SNX29: variants seen among roughly 807,000 people sequenced by gnomAD.
The protein encoded by SNX29 is sorting nexin-29.
Under a neutral mutation model 102.1 loss-of-function variants are expected in SNX29, and 78 were observed. That is an observed-to-expected ratio of 0.76 (90% CI 0.64 to 0.92). SNX29 has a LOEUF of 0.92. Among genes scored for constraint, SNX29 ranks in the 40% least tolerant of loss-of-function variants. The probability of loss-of-function intolerance (pLI) is 0.00; values close to 1 mark genes in which losing one functional copy is unlikely to be tolerated. For missense variants in SNX29, 1,280 were observed against 1,061.7 expected, an observed-to-expected ratio of 1.21 and a Z score of -2.86; for synonymous variants, 580 against 414.5, an observed-to-expected ratio of 1.40 and a Z score of -4.85.
intron 19 of SNX29, among the ~76,000 whole-genome samples, chr16:12,496,745 A>G (rs1334335822): frequency 6.6e-6 from 1 of 151,980 alleles, no homozygotes; most frequent in Non-Finnish European, 1.5e-5. Context: ...TCCTAACCTC[A>G]AGTGATCCGC....
At chr16:12,228,888 G>A (rs1024867101) in intron 14 of SNX29, among the ~76,000 whole-genome samples, 19 of 152,316 alleles carry the variant, frequency 1.2e-4, no homozygotes, top group African/African-American at 4.1e-4. Flanking sequence ...CTGGTGATGC[G>A]GGGCAGGCTG....
At chr16:12,540,948 C>G (rs1011664497) in intron 20 of SNX29, among the ~76,000 whole-genome samples, 10 of 152,016 alleles carry the variant, frequency 6.6e-5, no homozygotes, top group East Asian at 1.9e-4. Context: ...TGGGGTCAGG[C>G]TGCCTGTAGT....
At chr16:12,318,369 A>G (rs116726925) in intron 15 of SNX29, among the ~76,000 whole-genome samples, 2,740 of 152,244 alleles carry the variant, frequency 0.018, 98 homozygotes, top group African/African-American at 0.062. Flanking sequence ...TTGCTGATGC[A>G]TCGTTTGCCG....
intron 11 of SNX29, among the ~76,000 whole-genome samples, chr16:12,121,423 T>G (rs2053966541): frequency 6.6e-6 from 1 of 152,250 alleles, no homozygotes; most frequent in Non-Finnish European, 1.5e-5. Context: ...CTTTATTCCC[T>G]GTGGCCATGC....
At chr16:12,389,704 TG>T (rs2083456785) in intron 16 of SNX29, among the ~76,000 whole-genome samples, 1 of 152,126 alleles carries the variant, frequency 6.6e-6, no homozygotes, top group African/African-American at 2.4e-5. Context: ...GTAGGGGTAA[TG>T]GGTCAAAGTA....
chr16:12,136,649 C>G (rs1477551210), intron 13 of SNX29, among the ~76,000 whole-genome samples: 1 of 152,222 alleles, frequency 6.6e-6, no homozygotes, highest in Non-Finnish European at 1.5e-5. Flanking sequence ...CAAAGATGGC[C>G]TCTGGTAGCA....
intron 16 of SNX29, among the ~76,000 whole-genome samples, chr16:12,363,574 C>G (rs1235256369): frequency 6.6e-6 from 1 of 152,210 alleles, no homozygotes; most frequent in Non-Finnish European, 1.5e-5. Context: ...GCCCTCATGT[C>G]CCATTTCCGA....
chr16:12,169,463 T>C (rs1249866949), intron 13 of SNX29, among the ~76,000 whole-genome samples: 1 of 152,192 alleles, frequency 6.6e-6, no homozygotes, highest in Non-Finnish European at 1.5e-5. Flanking sequence ...GGGCCTGGGC[T>C]GGGGATGGTC....
chr16:12,129,324 G>T (rs2054352989), intron 12 of SNX29, among the ~76,000 whole-genome samples: 1 of 152,180 alleles, frequency 6.6e-6, no homozygotes, highest in Admixed American at 6.5e-5. Context: ...TCTGTAAAGG[G>T]ACTTGGCTGG....
chr16:12,101,643 C>A (rs2053026290), intron 11 of SNX29, among the ~76,000 whole-genome samples: 1 of 152,118 alleles, frequency 6.6e-6, no homozygotes, highest in Non-Finnish European at 1.5e-5. Context: ...CTTGGCTTCC[C>A]AAAGTGCTGG....
At chr16:12,327,919 C>T (rs1049209553) in intron 15 of SNX29, among the ~76,000 whole-genome samples, 7 of 152,140 alleles carry the variant, frequency 4.6e-5, no homozygotes, top group African/African-American at 1.2e-4. Flanking sequence ...CTCATGGCAC[C>T]GTCCTGTGGA....
intron 13 of SNX29, among the ~76,000 whole-genome samples, chr16:12,170,070 G>T (rs1452627039): frequency 6.6e-6 from 1 of 152,146 alleles, no homozygotes; most frequent in Non-Finnish European, 1.5e-5. Context: ...AGTGGGGGCT[G>T]TCCTGTGCAC....
intron 18 of SNX29, among the ~76,000 whole-genome samples, chr16:12,425,327 T>C (rs1204628088): frequency 6.6e-6 from 1 of 151,408 alleles, no homozygotes; most frequent in Admixed American, 6.6e-5. Context: ...AAATTGAAAC[T>C]GTGGATAATC....
intron 14 of SNX29, among the ~76,000 whole-genome samples, chr16:12,219,466 C>T (rs941100834): frequency 4.6e-5 from 7 of 152,154 alleles, no homozygotes; most frequent in African/African-American, 9.7e-5. Flanking sequence ...TAGCAAACGC[C>T]ACTTGTGACT....
intron 1 of SNX29, among the ~76,000 whole-genome samples, chr16:11,979,684 A>G (rs1262250581): frequency 6.6e-6 from 1 of 152,152 alleles, no homozygotes; most frequent in Non-Finnish European, 1.5e-5. Flanking sequence ...CCTGGGTTCA[A>G]GCAATTCTTC....
At chr16:12,414,113 G>A (rs758916043) in intron 18 of SNX29, among the ~76,000 whole-genome samples, 3 of 152,190 alleles carry the variant, frequency 2.0e-5, no homozygotes, top group Non-Finnish European at 4.4e-5. Context: ...AAAAGTGTGT[G>A]CATGTTCAGT....
chr16:12,147,003 GAAAGCCAT>G, intron 13 of SNX29, among the ~76,000 whole-genome samples: 1 of 152,322 alleles, frequency 6.6e-6, no homozygotes, highest in Non-Finnish European at 1.5e-5. Flanking sequence ...GTACAAGGGA[GAAAGCCAT>G]GTGCTTGTTT....
At chr16:12,335,748 G>C (rs968350316) in intron 15 of SNX29, among the ~76,000 whole-genome samples, 1 of 151,894 alleles carries the variant, frequency 6.6e-6, no homozygotes, top group Admixed American at 6.5e-5. Context: ...TTATGTGCTA[G>C]ACAGTGTGTT....
At chr16:12,220,963 A>G (rs964973562) in intron 14 of SNX29, among the ~76,000 whole-genome samples, 1 of 152,220 alleles carries the variant, frequency 6.6e-6, no homozygotes, top group Non-Finnish European at 1.5e-5. Flanking sequence ...CTAAAAATGA[A>G]TAAATATGTG....
Sources: allele counts gnomAD v4.1 joint callset (sites outside exome capture counted in the v4.1 genomes callset), GRCh38; gene constraint gnomAD v4.1.1; transcripts MANE v1.5; gene names NCBI Gene and HGNC (gene_info 2026-07-23, HGNC 2026-07-21).